OPHN1: variants seen among roughly 807,000 people sequenced by gnomAD.
OPHN1 encodes oligophrenin-1.
A neutral mutation model predicts 60.7 loss-of-function variants in OPHN1; 11 were observed. The ratio of observed to expected loss-of-function variants is 0.18; its 90% CI spans 0.11 to 0.30. The LOEUF (loss-of-function observed/expected upper bound fraction) is 0.30, where lower values mean the gene tolerates loss of function less well. Ranked by LOEUF, OPHN1 falls within the 10% of genes least tolerant of loss-of-function variation. The pLI is 1.00. For synonymous variants in OPHN1, 226 were observed against 222.6 expected, an observed-to-expected ratio of 1.02 and a Z score of -0.14; for missense variants, 449 against 611.0, an observed-to-expected ratio of 0.73 and a Z score of 2.80.
chrX:68,188,201 T>C (rs2077472097), intron 15 of OPHN1, among the ~76,000 whole-genome samples: 1 of 112,483 alleles, frequency 8.9e-6, no homozygotes, highest in African/African-American at 3.2e-5. Context: ...GGAAATGGCA[T>C]TATGTCAGGT....
intron 20 of OPHN1, among the ~76,000 whole-genome samples, chrX:68,072,350 A>C (rs946956449): frequency 8.9e-6 from 1 of 112,285 alleles, no homozygotes; most frequent in African/African-American, 3.2e-5. Context: ...ACACAGGAAA[A>C]GAACATGATC....
chrX:68,260,104 A>G (rs1174490158), intron 5 of OPHN1, among the ~76,000 whole-genome samples: 1 of 111,390 alleles, frequency 9.0e-6, no homozygotes, highest in African/African-American at 3.3e-5. Context: ...AGGTCAAAAC[A>G]ACAAAATATT....
chrX:68,056,071 G>A (rs1306778528), intron 21 of OPHN1, among the ~76,000 whole-genome samples: 2 of 110,556 alleles, frequency 1.8e-5, no homozygotes, highest in Non-Finnish European at 3.8e-5. Context: ...CCTGCACGTT[G>A]TACACATGTA....
At chrX:68,194,996 G>A (rs60312976) in intron 12 of OPHN1, among the ~76,000 whole-genome samples, 3,526 of 64,185 alleles carry the variant, frequency 0.055, 296 homozygotes, top group African/African-American at 0.18. Context: ...AAGAGAGAGA[G>A]AGAAAGAAAG....
At chrX:68,186,203 T>C (rs1159126922) in intron 15 of OPHN1, among the ~76,000 whole-genome samples, 1 of 111,578 alleles carries the variant, frequency 9.0e-6, no homozygotes, top group African/African-American at 3.3e-5. Flanking sequence ...CATTCTTCAC[T>C]GTTACATCCC....
chrX:68,351,790 G>A (rs1005356155), intron 2 of OPHN1, among the ~76,000 whole-genome samples: 2 of 110,204 alleles, frequency 1.8e-5, no homozygotes, highest in Admixed American at 9.7e-5. Context: ...TCCGCCTCCC[G>A]GGTTCACACC....
At chrX:68,249,663 C>T (rs988475962) in intron 5 of OPHN1, among the ~76,000 whole-genome samples, 5 of 111,716 alleles carry the variant, frequency 4.5e-5, no homozygotes, top group Non-Finnish European at 9.4e-5. Flanking sequence ...TGTTGTCCCT[C>T]GCCTCTTCCC....
At chrX:68,182,486 C>G (rs753781103) in intron 15 of OPHN1, among the ~76,000 whole-genome samples, 3 of 110,741 alleles carry the variant, frequency 2.7e-5, no homozygotes, top group African/African-American at 9.8e-5. Flanking sequence ...TTCCTTTGGC[C>G]TTTTCAGAAA....
chrX:68,309,334 A>C (rs2078161660), intron 2 of OPHN1, among the ~76,000 whole-genome samples: 1 of 111,595 alleles, frequency 9.0e-6, no homozygotes, highest in African/African-American at 3.3e-5. Flanking sequence ...AGATTGATTT[A>C]ACCAAAATAT....
At chrX:68,168,758 A>G (rs1458403494) in intron 15 of OPHN1, among the ~76,000 whole-genome samples, 1 of 111,658 alleles carries the variant, frequency 9.0e-6, no homozygotes, top group Admixed American at 9.6e-5. Context: ...GACCACTAGC[A>G]AGACTAATAA....
At chrX:68,358,647 C>T (rs1569291073) in intron 2 of OPHN1, among the ~76,000 whole-genome samples, 1 of 111,816 alleles carries the variant, frequency 8.9e-6, no homozygotes, top group Non-Finnish European at 1.9e-5. Flanking sequence ...AGCTCTTTGA[C>T]TAATGCCTTT....
rs780667503 is a variant in OPHN1, at chrX:68,372,047, G to A, written c.154+60820C>T. On this transcript the variant is annotated intron_variant, in intron 2 of 24. Transcript: ENST00000355520. ...GGTGTGAGCCACCATGCCCACCCAT[G>A]TATCTCCATTGTTAAGTGACACATG... Among the ~76,000 whole-genome samples the A allele has an allele frequency of 1.5e-3, 168 of 112,463 alleles. 1 individual carries two copies. Among genetic ancestry groups the A allele is most frequent in the Non-Finnish European group, 2.4e-3 (128 of 53,296 alleles).
chrX:68,212,335 C>T (rs1478815381), intron 7 of OPHN1, 123 bp from the exon 8 acceptor site: 6 of 513,996 alleles, frequency 1.2e-5, no homozygotes, highest in African/African-American at 7.0e-5. Flanking sequence ...GCCTGTAATC[C>T]CTGCACTTTG....
At chrX:68,283,250 G>A (rs749457163) in intron 3 of OPHN1, 133 bp from the exon 4 acceptor site, 15 of 503,216 alleles carry the variant, frequency 3.0e-5, no homozygotes, top group South Asian at 5.7e-5. Context: ...GTGTCAAATC[G>A]GAGGACAAAA....
intron 15 of OPHN1, among the ~76,000 whole-genome samples, chrX:68,163,282 A>AT (rs199572593): frequency 0.081 from 8,857 of 109,824 alleles, 366 homozygotes; most frequent in South Asian, 0.15. Context: ...AAACCACTGA[A>AT]TTTTTTTTTG....
intron 23 of OPHN1, among the ~76,000 whole-genome samples, chrX:68,050,253 T>C (rs2076846673): frequency 9.0e-6 from 1 of 111,485 alleles, no homozygotes; most frequent in Non-Finnish European, 1.9e-5. Context: ...AGGATGGTAG[T>C]TCATGACATA....
chrX:68,275,284 C>T (rs2077987164), intron 4 of OPHN1, among the ~76,000 whole-genome samples: 1 of 112,026 alleles, frequency 8.9e-6, no homozygotes, highest in African/African-American at 3.2e-5. Context: ...ATATGGAGTG[C>T]ATTACAGCAT....
chrX:68,280,794 G>A (rs189821673), intron 4 of OPHN1, among the ~76,000 whole-genome samples: 40 of 110,699 alleles, frequency 3.6e-4, no homozygotes, highest in African/African-American at 9.5e-4. Flanking sequence ...TGGTACTGCC[G>A]GTCTAAGGAC....
chrX:68,084,603 C>T (rs928475034), intron 19 of OPHN1, among the ~76,000 whole-genome samples: 1 of 68,381 alleles, frequency 1.5e-5, no homozygotes, highest in Non-Finnish European at 3.2e-5. Context: ...TTATTCACTT[C>T]TCATTGAAAA....
Sources: allele counts gnomAD v4.1 joint callset (sites outside exome capture counted in the v4.1 genomes callset), GRCh38; gene constraint gnomAD v4.1.1; transcripts MANE v1.5; gene names NCBI Gene and HGNC (gene_info 2026-07-23, HGNC 2026-07-21).